GPR161: variants seen among roughly 807,000 people sequenced by gnomAD.
The protein encoded by GPR161 is G protein-coupled receptor 161.
In GPR161, 25 loss-of-function variants were observed where a neutral mutation model predicts 39.2. That is an observed-to-expected ratio of 0.64 (90% CI 0.47 to 0.89). The LOEUF is 0.89. GPR161 is among the 40% of genes least tolerant of loss of function. The pLI, the probability that GPR161 is intolerant of heterozygous loss-of-function variation, is 0.00. For missense variants in GPR161, 547 were observed against 677.8 expected (o/e 0.81, Z 2.14); for synonymous variants, 286 against 276.6 (o/e 1.03, Z -0.34).
At chr1:168,102,844 A>C (rs1011232043) in intron 2 of GPR161, among the ~76,000 whole-genome samples, 3 of 152,048 alleles carry the variant, frequency 2.0e-5, no homozygotes, top group Admixed American at 6.5e-5. Flanking sequence ...TAATTCAAAA[A>C]AAAAAAAAAA....
intron 1 of GPR161, among the ~76,000 whole-genome samples, chr1:168,129,770 G>A (rs1698851462): frequency 6.6e-6 from 1 of 152,170 alleles, no homozygotes; most frequent in Non-Finnish European, 1.5e-5. Context: ...TACTGACAAA[G>A]CACAAATTTC....
At chr1:168,136,623 G>C in intron 1 of GPR161, 116 bp downstream of exon 1, 1 of 1,224,910 alleles carries the variant, frequency 8.2e-7, no homozygotes, top group South Asian at 4.0e-5. Flanking sequence ...TGGGGGCGGG[G>C]ACCCTTCCCG....
At chr1:168,129,470 G>C (rs1486898649) in intron 1 of GPR161, among the ~76,000 whole-genome samples, 1 of 152,200 alleles carries the variant, frequency 6.6e-6, no homozygotes. Context: ...ACTTTCAAGA[G>C]GTCACTGTGC....
In GPR161 at chr1:168,094,260, A is replaced by T. The variant is rs545116931; in HGVS notation, c.1099+2248T>A. ...TTCCTTCTTCATTTTAACTTCATTG[A>T]TCTAGAAAACATCTATTTTTTTTTG... On this transcript the variant is annotated intron_variant, in intron 3 of 5. Transcript: ENST00000682931. 2.6e-5 allele frequency among the ~76,000 whole-genome samples: 4 copies of T among 151,794 alleles called. No homozygotes were observed. In the South Asian group the frequency reaches 8.4e-4, roughly 32 times the overall value.
chr1:168,137,138 G>T, upstream of GPR161: 1 of 1,132,240 alleles, frequency 8.8e-7, no homozygotes. Context: ...GAACAGCCTC[G>T]GCTGCTGCTC....
rs1694120708 is a variant in GPR161 at position 168,082,173 on chromosome 1, GA to G, written c.*3357del. ...AGTAGCTCCTCAAATAAGAATCAAGGAACATTGGCACTAGATGGCCCTTGTC... is the reference window on the plus strand; with the variant it reads ...AGTAGCTCCTCAAATAAGAATCAAGGACATTGGCACTAGATGGCCCTTGTC... On this transcript the variant is annotated 3_prime_UTR_variant, in exon 6 of 6. Transcript: ENST00000682931. 1 of 152,108 alleles carries G rather than the reference GA, an allele frequency of 6.6e-6. No homozygotes were observed. Among genetic ancestry groups the G allele is most frequent in the South Asian group, 2.1e-4 (1 of 4,820 alleles). 9.4% of individuals were successfully genotyped at this position (152,108 alleles called of 1,614,324 possible). A position where few individuals can be genotyped will look rare whatever the true frequency, so the allele number is the denominator to read the frequency against.
intron 1 of GPR161, chr1:168,136,037 T>C (rs1404588447): frequency 6.4e-6 from 8 of 1,240,726 alleles, no homozygotes; most frequent in Admixed American, 4.2e-5. Flanking sequence ...CCCATATGCC[T>C]TTGTCCAAAG....
Position 168,098,567 on chromosome 1 carries a change from C to A in GPR161, c.375-1335G>T, listed in dbSNP as rs371771881. ...GGGAAGGTGGCTCCTCCACAGGGAC[C>A]GCCCTGAGTCACCCTTGGGCCCCAG... is the stretch of plus-strand genomic sequence containing the variant. On this transcript the variant is annotated intron_variant, in intron 2 of 5. Transcript: ENST00000682931. This position sits in a 1 kb window ranked among gnomAD's most constrained non-coding sequence, Gnocchi z 4.1. 6.6e-6 allele frequency among the ~76,000 whole-genome samples: 1 copy of A among 152,324 alleles called. No homozygotes were observed. The highest frequency in any genetic ancestry group is 6.5e-5 in the Admixed American group (1 of 15,306).
chr1:168,136,941 C>G, upstream of GPR161: 1 of 968,546 alleles, frequency 1.0e-6, no homozygotes, highest in South Asian at 4.8e-5. Flanking sequence ...AACTTTGCGG[C>G]GCCCGCGCCC....
chr1:168,124,224 C>T (rs1698422149), intron 1 of GPR161, among the ~76,000 whole-genome samples: 1 of 152,160 alleles, frequency 6.6e-6, no homozygotes, highest in South Asian at 2.1e-4. Flanking sequence ...TAAAATCAAA[C>T]GTTCTCATCA....
At chr1:168,118,989 G>A (rs1014544890) in intron 1 of GPR161, among the ~76,000 whole-genome samples, 1 of 151,584 alleles carries the variant, frequency 6.6e-6, no homozygotes, top group Non-Finnish European at 1.5e-5. Flanking sequence ...CTGTTGGCAG[G>A]GACGTAAAAT....
intron 3 of GPR161, among the ~76,000 whole-genome samples, chr1:168,096,267 A>G (rs1009600993): frequency 6.6e-6 from 1 of 152,056 alleles, no homozygotes; most frequent in Non-Finnish European, 1.5e-5. Context: ...CTTTTGGGAC[A>G]CATACCAGGG....
chr1:168,104,396 A>C, intron 2 of GPR161, 81 bp downstream of exon 2: 8 of 1,183,336 alleles, frequency 6.8e-6, no homozygotes, highest in Non-Finnish European at 9.9e-6. Flanking sequence ...TCTCCAGGGA[A>C]CTAAGGCAGT....
At chr1:168,111,174 G>C (rs964520376) in intron 1 of GPR161, among the ~76,000 whole-genome samples, 3 of 152,216 alleles carry the variant, frequency 2.0e-5, no homozygotes, top group African/African-American at 7.2e-5. Context: ...AGCAGGCGAG[G>C]TTAGAGAGAA....
intron 1 of GPR161, among the ~76,000 whole-genome samples, chr1:168,126,088 T>C (rs1311688143): frequency 6.6e-6 from 1 of 152,202 alleles, no homozygotes; most frequent in African/African-American, 2.4e-5. Flanking sequence ...TGAAAACGTC[T>C]ATAGATGCTA....
rs894924999 is a variant in GPR161 at position 168,085,686 on chromosome 1, A to G, written c.1435T>C (p.Phe479Leu). 3.1e-6 allele frequency: 5 copies of G among 1,614,046 alleles called. No homozygotes were observed. Among genetic ancestry groups the G allele is most frequent in the East Asian group, 2.2e-5 (1 of 44,900 alleles). Residue 479 changes from phenylalanine (F) to leucine (L), a missense_variant, in exon 6 of 6, where the codon TTT (phenylalanine) becomes CTT (leucine). Transcript: ENST00000682931. ...ACCCCTGGCAAAGCCTCCTCCCCAA[A>G]TAAGTTGATTTTGGCTTCGGCCTCA... ...AIEAEAKINLFGEEALPGVLV... is the reference protein window; with the variant it reads ...AIEAEAKINLLGEEALPGVLV...
chr1:168,123,466 ATATG>A (rs1046840605), intron 1 of GPR161, among the ~76,000 whole-genome samples: 2 of 151,874 alleles, frequency 1.3e-5, no homozygotes, highest in African/African-American at 2.4e-5. Flanking sequence ...TCAAAAAATT[ATATG>A]TATGTATCTG....
At chr1:168,102,621 T>C (rs958005931) in intron 2 of GPR161, among the ~76,000 whole-genome samples, 4 of 152,150 alleles carry the variant, frequency 2.6e-5, no homozygotes, top group Non-Finnish European at 5.9e-5. Flanking sequence ...GAAAATCTCA[T>C]TCTCACTCAT....
intron 1 of GPR161, among the ~76,000 whole-genome samples, chr1:168,125,626 T>C (rs931325138): frequency 1.4e-5 from 2 of 146,042 alleles, no homozygotes; most frequent in African/African-American, 5.2e-5. Context: ...TCCCCCCCCT[T>C]TTTTTTTTTT....
Sources: gnomAD v4.1 joint callset for allele counts (sites outside exome capture counted in the v4.1 genomes callset) on GRCh38, gnomAD v4.1.1 for gene constraint, Gnocchi (gnomAD v3.1) non-coding constraint, MANE v1.5 for transcripts, NCBI Gene and HGNC (gene_info 2026-07-23, HGNC 2026-07-21) for gene names.